Variants in PCBP3 observed in about 807,000 individuals in gnomAD.
PCBP3 encodes poly(rC)-binding protein 3.
In PCBP3, 25 loss-of-function variants were observed where a neutral mutation model predicts 52.7. The ratio of observed to expected loss-of-function variants is 0.47; its 90% CI spans 0.35 to 0.66. PCBP3 has a LOEUF of 0.66. PCBP3 is among the 30% of genes least tolerant of loss of function. PCBP3 has a pLI of 0.01. For missense variants in PCBP3, 391 were observed against 490.3 expected (o/e 0.80, Z 1.91); for synonymous variants, 162 against 183.0 (o/e 0.89, Z 0.93).
chr21:45,779,524 T>TA (rs1472201769), intron 4 of PCBP3, among the ~76,000 whole-genome samples: 3 of 152,228 alleles, frequency 2.0e-5, no homozygotes, highest in Non-Finnish European at 4.4e-5. Context: ...AAAGTGACCG[T>TA]ACATTCTTTT....
At chr21:45,907,499 GT>G (rs1232952090) in intron 9 of PCBP3, among the ~76,000 whole-genome samples, 1 of 152,198 alleles carries the variant, frequency 6.6e-6, no homozygotes, top group Non-Finnish European at 1.5e-5. Context: ...GTCTGTCTTT[GT>G]GCTTGTTCTA....
chr21:45,757,133 C>T (rs182868434), intron 4 of PCBP3, among the ~76,000 whole-genome samples: 24 of 152,270 alleles, frequency 1.6e-4, no homozygotes, highest in Admixed American at 5.2e-4. Flanking sequence ...CTGTACCATT[C>T]GACATTCCCA....
intron 4 of PCBP3, among the ~76,000 whole-genome samples, chr21:45,773,597 G>T (rs1477824930): frequency 6.6e-6 from 1 of 152,128 alleles, no homozygotes; most frequent in East Asian, 1.9e-4. Context: ...AGTGACCTCT[G>T]TGTCTATTTT....
chr21:45,672,121 G>A (rs1168011714), intron 2 of PCBP3, among the ~76,000 whole-genome samples: 2 of 152,108 alleles, frequency 1.3e-5, no homozygotes, highest in East Asian at 3.9e-4. Flanking sequence ...GTTATCAGGG[G>A]AGTGGAATTG....
At chr21:45,701,553 A>G (rs2083128903) in intron 2 of PCBP3, among the ~76,000 whole-genome samples, 1 of 152,216 alleles carries the variant, frequency 6.6e-6, no homozygotes. Context: ...TTATTTATTT[A>G]TTGAGACAGT....
At chr21:45,726,471 T>G (rs924629178) in intron 2 of PCBP3, among the ~76,000 whole-genome samples, 1 of 152,096 alleles carries the variant, frequency 6.6e-6, no homozygotes, top group African/African-American at 2.4e-5. Context: ...CACTCTATCC[T>G]GGGTGCTCAT....
intron 4 of PCBP3, among the ~76,000 whole-genome samples, chr21:45,796,598 T>G (rs1569233777): frequency 6.6e-6 from 1 of 152,206 alleles, no homozygotes; most frequent in Non-Finnish European, 1.5e-5. Flanking sequence ...ATATTTTTCT[T>G]TCTATTCCCA....
At position 45,777,110 on chromosome 21, in the gene PCBP3, CAA is replaced by C. The variant is rs1411308939; in HGVS notation, c.-126+21660_-126+21661del. On this transcript the variant is annotated intron_variant, in intron 4 of 17. Coordinates refer to ENST00000681687, the MANE Select transcript of PCBP3 (RefSeq NM_001384156.1). ...TCGTGTAGGGATGATGTAGTGGTAACAAATTCCCTCAGCATTTGCTTGTCTTG... is the reference window on the plus strand; with the variant it reads ...TCGTGTAGGGATGATGTAGTGGTAACATTCCCTCAGCATTTGCTTGTCTTG... Among the ~76,000 whole-genome samples, 5 of 152,084 alleles carry C rather than the reference CAA, an allele frequency of 3.3e-5. No homozygotes were observed. In the East Asian group the frequency reaches 9.7e-4, roughly 30 times the overall value.
intron 5 of PCBP3, among the ~76,000 whole-genome samples, chr21:45,861,136 G>A (rs1398595282): frequency 1.3e-5 from 2 of 152,188 alleles, no homozygotes; most frequent in African/African-American, 2.4e-5. Context: ...GGCTTGGTGT[G>A]CAGCCGCCTC....
chr21:45,811,596 T>C (rs1014727191), intron 4 of PCBP3, among the ~76,000 whole-genome samples: 9 of 152,270 alleles, frequency 5.9e-5, no homozygotes, highest in African/African-American at 1.7e-4. Context: ...AAACTGACCC[T>C]TTTTTATTGT....
intron 4 of PCBP3, among the ~76,000 whole-genome samples, chr21:45,796,969 T>C (rs923743966): frequency 2.6e-5 from 4 of 152,248 alleles, no homozygotes; most frequent in African/African-American, 9.6e-5. Flanking sequence ...TCAATGAATT[T>C]GTAATGTGTC....
chr21:45,701,370 T>C (rs1485372609), intron 2 of PCBP3, among the ~76,000 whole-genome samples: 2 of 152,186 alleles, frequency 1.3e-5, no homozygotes, highest in Non-Finnish European at 2.9e-5. Flanking sequence ...CCTATGACAC[T>C]AGGCCAGTGG....
intron 9 of PCBP3, among the ~76,000 whole-genome samples, chr21:45,905,363 C>G (rs2096175279): frequency 6.6e-6 from 1 of 152,234 alleles, no homozygotes; most frequent in Non-Finnish European, 1.5e-5. Flanking sequence ...GAGCTAAAAG[C>G]CCCTCTGTTT....
At chr21:45,728,587 G>T (rs1414336597) in intron 2 of PCBP3, 3 of 152,120 alleles carry the variant, frequency 2.0e-5, no homozygotes, top group African/African-American at 4.8e-5. Context: ...CTTATAGAAT[G>T]AATTGGGAAG....
intron 3 of PCBP3, among the ~76,000 whole-genome samples, chr21:45,738,401 C>T (rs760936821): frequency 2.4e-4 from 37 of 151,952 alleles, no homozygotes; most frequent in Non-Finnish European, 5.0e-4. Context: ...ACTACAGACG[C>T]CCGCCACCAC....
chr21:45,798,282 A>G (rs575509754), intron 4 of PCBP3, among the ~76,000 whole-genome samples: 10 of 148,426 alleles, frequency 6.7e-5, no homozygotes, highest in African/African-American at 2.3e-4. Flanking sequence ...GGATGCGTAC[A>G]TGGATGAATG....
chr21:45,939,220 T>G (rs1029267581), intron 16 of PCBP3, among the ~76,000 whole-genome samples: 1 of 152,208 alleles, frequency 6.6e-6, no homozygotes, highest in African/African-American at 2.4e-5. Flanking sequence ...GCTCCAGAGC[T>G]CTCATCCGTG....
In PCBP3 at chr21:45,821,190, T is replaced by A. The variant is rs2093124935; in HGVS notation, c.-125-28771T>A. ...CCCTTCCCGGTTCCCACTTTTTGCC[T>A]GGCAGGCTGGGAGGGACCCCCTCTC... is the stretch of plus-strand genomic sequence containing the variant. On this transcript the variant is annotated intron_variant, in intron 4 of 17. Transcript: ENST00000681687. The surrounding 1 kb of genome is among the most constrained non-coding windows in gnomAD (Gnocchi z 4.4). 6.6e-6 allele frequency among the ~76,000 whole-genome samples: 1 copy of A among 152,114 alleles called. No individual in the cohort carries two copies. The highest frequency in any genetic ancestry group is 1.5e-5 in the Non-Finnish European group (1 of 68,016).
At chr21:45,835,248 G>A (rs1221472763) in intron 4 of PCBP3, among the ~76,000 whole-genome samples, 2 of 152,114 alleles carry the variant, frequency 1.3e-5, no homozygotes, top group African/African-American at 2.4e-5. Context: ...GTGTGGGTGG[G>A]GCCTGTTTAA....
Sources: gnomAD v4.1 joint callset for allele counts (sites outside exome capture counted in the v4.1 genomes callset) on GRCh38, gnomAD v4.1.1 for gene constraint, Gnocchi (gnomAD v3.1) non-coding constraint, MANE v1.5 for transcripts, NCBI Gene and HGNC (gene_info 2026-07-23, HGNC 2026-07-21) for gene names.